The following GPRIN3 variants were observed in gnomAD, a reference collection of about 807,000 sequenced individuals.
GPRIN3 encodes the protein G protein-regulated inducer of neurite outgrowth 3.
A neutral mutation model predicts 13.7 loss-of-function variants in GPRIN3; 12 were observed. The ratio of observed to expected loss-of-function variants is 0.87; its 90% CI spans 0.56 to 1.42. GPRIN3 has a LOEUF of 1.42. GPRIN3 is among the 40% of genes most tolerant of loss of function. The pLI is 0.00. For synonymous variants in GPRIN3, 377 were observed against 372.7 expected (o/e 1.01, Z -0.13); for missense variants, 1,009 against 958.7 (o/e 1.05, Z -0.69).
At chr4:89,298,342 G>T (rs12498405) in intron 1 of GPRIN3, among the ~76,000 whole-genome samples, 52,941 of 151,868 alleles carry the variant, frequency 0.35, 11,316 homozygotes, top group East Asian at 0.51. Context: ...AAGTTAGCCT[G>T]GCAGGGAGGA....
At chr4:89,252,780 G>A (rs1187301482) in intron 1 of GPRIN3, among the ~76,000 whole-genome samples, 1 of 151,976 alleles carries the variant, frequency 6.6e-6, no homozygotes, top group Non-Finnish European at 1.5e-5. Context: ...AACCATTTCT[G>A]TAGGTTTCTA....
intron 1 of GPRIN3, among the ~76,000 whole-genome samples, chr4:89,252,287 T>A (rs1279522761): frequency 2.6e-5 from 4 of 152,152 alleles, no homozygotes; most frequent in African/African-American, 9.7e-5. Flanking sequence ...AGCATTTTTT[T>A]AGAAAGAATA....
At chr4:89,262,134 A>T (rs1206763493) in intron 1 of GPRIN3, among the ~76,000 whole-genome samples, 3 of 151,790 alleles carry the variant, frequency 2.0e-5, no homozygotes, top group Non-Finnish European at 4.4e-5. Flanking sequence ...TCAAAAAAAA[A>T]AAAAAAAAAA....
chr4:89,302,134 T>C (rs922138069), intron 1 of GPRIN3, among the ~76,000 whole-genome samples: 4 of 152,224 alleles, frequency 2.6e-5, no homozygotes, highest in Admixed American at 2.0e-4. Context: ...GATGAGATCA[T>C]GGCATTGTCA....
rs1012522513 is a variant in GPRIN3 at position 89,240,156 on chromosome 4, G to T, written c.*7624C>A. On this transcript the variant is annotated 3_prime_UTR_variant, in exon 2 of 2. Transcript: ENST00000609438. The stretch of plus-strand genomic sequence containing the variant: ...GAATTATGATAAGCTGACAAATCTT[G>T]TTCAGAGTTGACACTTGCCAGCTAA... The T allele has an allele frequency of 2.0e-5, 3 of 152,154 alleles. No homozygotes were observed. Among genetic ancestry groups the T allele is most frequent in the African/African-American group, 7.2e-5 (3 of 41,440 alleles). 9.4% of individuals were successfully genotyped at this position (152,154 alleles called of 1,614,324 possible). A position where few individuals can be genotyped will look rare whatever the true frequency, so the allele number is the denominator to read the frequency against.
At chr4:89,283,415 G>A (rs1001835856) in intron 1 of GPRIN3, among the ~76,000 whole-genome samples, 1 of 152,132 alleles carries the variant, frequency 6.6e-6, no homozygotes, top group African/African-American at 2.4e-5. Flanking sequence ...GAAAGCTTCC[G>A]GGGAACCAGT....
At position 89,238,937 on chromosome 4, in the gene GPRIN3, A is replaced by G. The variant is rs1196046245; in HGVS notation, c.*8843T>C. The G allele has an allele frequency of 6.6e-6, 1 of 152,230 alleles. No individual in the cohort carries two copies. The highest frequency in any genetic ancestry group is 1.5e-5 in the Non-Finnish European group (1 of 68,048). 9.4% of individuals were successfully genotyped at this position (152,230 alleles called of 1,614,324 possible). On this transcript the variant is annotated 3_prime_UTR_variant, in exon 2 of 2. Coordinates refer to ENST00000609438, the MANE Select transcript of GPRIN3 (RefSeq NM_198281.3). ...AATTTTTTGATGGTAAAACTAAGTC[A>G]TTAGTTGAATATCAGAATTTTAAGC...
chr4:89,242,036 C>T lies in GPRIN3; in HGVS notation c.*5744G>A, dbSNP rs760189784. On this transcript the variant is annotated 3_prime_UTR_variant, in exon 2 of 2. Coordinates refer to ENST00000609438, the MANE Select transcript of GPRIN3 (RefSeq NM_198281.3). ...GAGATCAAGAAAGCTGTTAGCAATT[C>T]TCTCCCATTTAATTCTTTCTAACAT... The T allele has an allele frequency of 6.6e-6, 1 of 152,180 alleles. No individual in the cohort carries two copies. Among genetic ancestry groups the T allele is most frequent in the Non-Finnish European group, 1.5e-5 (1 of 68,014 alleles). The allele number at this position is 152,180 out of a possible 1,614,324, so 9.4% of individuals were successfully genotyped here. A position where few individuals can be genotyped will look rare whatever the true frequency, so the allele number is the denominator to read the frequency against.
chr4:89,249,023 T>C lies in GPRIN3; in HGVS notation c.1088A>G (p.His363Arg). 1.2e-6 allele frequency: 2 copies of C among 1,614,184 alleles called. No homozygotes were observed. Among genetic ancestry groups the C allele is most frequent in the Non-Finnish European group, 1.7e-6 (2 of 1,180,010 alleles). The stretch of plus-strand genomic sequence containing the variant: ...CTCCAGTGTGTGGCTCCCACTGCTG[T>C]GGCAAATGACACGCAGCTGCTCTTG... ...FEQEQLRVIC[H>R]SSGSHTLELS... The change falls in exon 2 of 2, where the codon CAC becomes CGC. Residue 363 changes from histidine to arginine, a missense_variant. Physicochemically the swap from His to Arg is conservative, Grantham distance 29 (BLOSUM62 0). Transcript: ENST00000609438.
intron 1 of GPRIN3, among the ~76,000 whole-genome samples, chr4:89,289,065 C>A (rs989628304): frequency 6.6e-6 from 1 of 151,350 alleles, no homozygotes; most frequent in Non-Finnish European, 1.5e-5. Context: ...CAAACTAATT[C>A]GTTCTTTGAC....
rs1475010867 is a variant in GPRIN3, at chr4:89,241,796, C to T, written c.*5984G>A. The stretch of plus-strand genomic sequence containing the variant: ...AGGATGCCAATTAACATGAGTAAGC[C>T]CTTTCTACTCATTTTATATAGTTTG... On this transcript the variant is annotated 3_prime_UTR_variant, in exon 2 of 2. Coordinates refer to ENST00000609438, the MANE Select transcript of GPRIN3 (RefSeq NM_198281.3). 6.6e-6 allele frequency: 1 copy of T among 151,810 alleles called. No homozygotes were observed. The highest frequency in any genetic ancestry group is 1.9e-4 in the East Asian group (1 of 5,176). The allele number at this position is 151,810 out of a possible 1,614,324, so 9.4% of individuals were successfully genotyped here.
At position 89,241,643 on chromosome 4, in the gene GPRIN3, G is replaced by A. The variant is rs1722949571; in HGVS notation, c.*6137C>T. 6.6e-6 allele frequency: 1 copy of A among 152,116 alleles called. No homozygotes were observed. Among genetic ancestry groups the A allele is most frequent in the South Asian group, 2.1e-4 (1 of 4,826 alleles). The allele number at this position is 152,116 out of a possible 1,614,324, so 9.4% of individuals were successfully genotyped here. A position where few individuals can be genotyped will look rare whatever the true frequency, so the allele number is the denominator to read the frequency against. On this transcript the variant is annotated 3_prime_UTR_variant, in exon 2 of 2. Coordinates refer to ENST00000609438, the MANE Select transcript of GPRIN3 (RefSeq NM_198281.3). ...CTCTCCTCTAGGGATTGGGGAGTAT[G>A]ACTATAATACTGCAATCTCCTGATA... is the stretch of plus-strand genomic sequence containing the variant.
rs34135321 is a variant in GPRIN3, at chr4:89,249,521, C to T, written c.590G>A (p.Gly197Glu). The change falls in exon 2 of 2, where the codon GGA becomes GAA. Residue 197 changes from glycine (G) to glutamate (E), a missense_variant. Physicochemically the swap from Gly to Glu is moderately conservative, Grantham distance 98. Coordinates refer to ENST00000609438, the MANE Select transcript of GPRIN3 (RefSeq NM_198281.3). ...TGCTGTCACTGGAGTCTGCACTGTT[C>T]CCTGGATTGTTTCTGGAGAAGGAAA... ...CEFPSPETIQ[G>E]TVQTPVTAAR... The T allele has an allele frequency of 6.2e-4, 994 of 1,614,148 alleles. 5 individuals are homozygous for T. In the African/African-American group the frequency reaches 0.012, roughly 19 times the overall value.
At chr4:89,303,705 T>C (rs1202026699) in intron 1 of GPRIN3, among the ~76,000 whole-genome samples, 1 of 151,234 alleles carries the variant, frequency 6.6e-6, no homozygotes, top group Non-Finnish European at 1.5e-5. Context: ...TTGGTTCCAC[T>C]ACAGACACCG....
At chr4:89,306,322 G>A (rs1024421185) in intron 1 of GPRIN3, among the ~76,000 whole-genome samples, 5 of 152,062 alleles carry the variant, frequency 3.3e-5, no homozygotes, top group East Asian at 3.9e-4. Context: ...ACATTCGGGC[G>A]AAGTACACTC....
chr4:89,260,248 C>T (rs1173378337), intron 1 of GPRIN3, among the ~76,000 whole-genome samples: 1 of 152,128 alleles, frequency 6.6e-6, no homozygotes, highest in East Asian at 1.9e-4. Flanking sequence ...CACAGAGAAA[C>T]CCAGGAATAG....
intron 1 of GPRIN3, among the ~76,000 whole-genome samples, chr4:89,258,816 G>T (rs1723551624): frequency 6.6e-6 from 1 of 152,176 alleles, no homozygotes; most frequent in South Asian, 2.1e-4. Context: ...TCTGAGCCCT[G>T]TCACTAGCAG....
At chr4:89,285,972 T>C (rs1381941944) in intron 1 of GPRIN3, among the ~76,000 whole-genome samples, 2 of 152,196 alleles carry the variant, frequency 1.3e-5, no homozygotes, top group African/African-American at 4.8e-5. Flanking sequence ...CTTCCTCAGT[T>C]GCAAAGACTG....
intron 1 of GPRIN3, among the ~76,000 whole-genome samples, chr4:89,292,594 A>T (rs1724605443): frequency 6.6e-6 from 1 of 152,306 alleles, no homozygotes; most frequent in South Asian, 2.1e-4. Context: ...ATAAAGACTC[A>T]AAGAATCTTG....
Sources: allele counts gnomAD v4.1 joint callset (sites outside exome capture counted in the v4.1 genomes callset), GRCh38; gene constraint gnomAD v4.1.1; transcripts MANE v1.5; gene names NCBI Gene and HGNC (gene_info 2026-07-23, HGNC 2026-07-21).